The following DHX8 variants were observed in gnomAD, a reference collection of about 807,000 sequenced individuals.
DHX8 encodes the protein ATP-dependent RNA helicase DHX8.
DHX8 carries 67 observed loss-of-function variants against 140.7 expected under a neutral mutation model. The ratio of observed to expected loss-of-function variants is 0.48; its 90% CI spans 0.39 to 0.58. The LOEUF is 0.58. Ranked by LOEUF, DHX8 falls within the 20% of genes least tolerant of loss-of-function variation. DHX8 has a pLI of 0.00. For missense variants in DHX8, 887 were observed against 1,550.7 expected (o/e 0.57, Z 7.19); for synonymous variants, 533 against 553.2 (o/e 0.96, Z 0.51).
chr17:43,492,487 G>A (rs1208366356), intron 5 of DHX8, among the ~76,000 whole-genome samples, 194 bp from the exon 6 acceptor site: 1 of 152,206 alleles, frequency 6.6e-6, no homozygotes, highest in Non-Finnish European at 1.5e-5. Context: ...AGAAGTCAGG[G>A]TTGAAAGAGG....
rs146664887 is a variant in DHX8 at position 43,504,759 on chromosome 17, C to A, written c.1662C>A (p.Thr554=). ...GGNKASYGKK[T]QMSILEQRES... ...ACAAAGCCTCTTACGGAAAAAAGAC[C>A]CAGATGTCAATCCTTGAGCAGAGGG... The change falls in exon 12 of 23, where the codon ACC becomes ACA. Residue 554 remains threonine, a synonymous_variant. Coordinates refer to ENST00000262415, the MANE Select transcript of DHX8 (RefSeq NM_004941.3). 7.2e-5 allele frequency: 116 copies of A among 1,613,974 alleles called. No individual in the cohort carries two copies. Among genetic ancestry groups the A allele is most frequent in the Non-Finnish European group, 1.3e-5 (15 of 1,180,022 alleles).
At chr17:43,510,953 G>GT (rs1248467454) in intron 16 of DHX8, among the ~76,000 whole-genome samples, 1 of 152,134 alleles carries the variant, frequency 6.6e-6, no homozygotes, top group Non-Finnish European at 1.5e-5. Context: ...ATTGTAGTAT[G>GT]TATCAATACT....
intron 16 of DHX8, among the ~76,000 whole-genome samples, chr17:43,509,388 G>A (rs1482649898): frequency 1.3e-5 from 2 of 152,144 alleles, no homozygotes; most frequent in African/African-American, 4.8e-5. Flanking sequence ...TGAGACAACA[G>A]GAAAGGAGAC....
intron 2 of DHX8, chr17:43,536,281 A>G (rs1971239918): frequency 8.1e-6 from 6 of 740,954 alleles, no homozygotes; most frequent in Non-Finnish European, 1.4e-5. Context: ...CAAGGTTTTC[A>G]TTCCAGTTAT....
At chr17:43,486,533 T>C (rs1435290030) in intron 1 of DHX8, among the ~76,000 whole-genome samples, 3 of 152,208 alleles carry the variant, frequency 2.0e-5, no homozygotes, top group Admixed American at 1.3e-4. Flanking sequence ...TAATTTTTTA[T>C]AATGGATTCA....
intron 11 of DHX8, among the ~76,000 whole-genome samples, chr17:43,501,368 C>G (rs547745657): frequency 2.4e-4 from 37 of 152,210 alleles, no homozygotes; most frequent in African/African-American, 8.2e-4. Flanking sequence ...ATAGAGAGAG[C>G]AGTGGGCAGT....
At chr17:43,532,751 C>A (rs1454278809) in intron 2 of DHX8, 3 of 1,613,978 alleles carry the variant, frequency 1.9e-6, no homozygotes, top group Admixed American at 1.7e-5. Flanking sequence ...ATTGACCCCA[C>A]CCTGGTCCAC....
intron 8 of DHX8, 65 bp from the exon 9 acceptor site, chr17:43,496,116 C>T: frequency 7.3e-7 from 1 of 1,367,290 alleles, no homozygotes; most frequent in African/African-American, 1.5e-5. Flanking sequence ...AAAACAAAAC[C>T]AAAAAACAAA....
At chr17:43,510,088 G>T (rs1379576274) in intron 16 of DHX8, among the ~76,000 whole-genome samples, 1 of 151,778 alleles carries the variant, frequency 6.6e-6, no homozygotes, top group Non-Finnish European at 1.5e-5. Context: ...CGCTCTTGTT[G>T]CCGAGGCTGG....
At chr17:43,517,393 GT>G in intron 18 of DHX8, 71 bp downstream of exon 18, 1 of 1,512,932 alleles carries the variant, frequency 6.6e-7, no homozygotes, top group Non-Finnish European at 8.9e-7. Flanking sequence ...ATGAATTTCA[GT>G]TTTATGAACC....
At chr17:43,490,487 T>C (rs1968446544) in intron 3 of DHX8, 24 bp downstream of exon 3, 1 of 1,594,904 alleles carries the variant, frequency 6.3e-7, no homozygotes. Context: ...CCAGCTGAGC[T>C]TAGCTTCTAG....
rs11868909 is a variant in DHX8, at chr17:43,515,712, C to T, written c.2644-1455C>T. The stretch of plus-strand genomic sequence containing the variant: ...TGCTCTATACTACTTGTCAGGGTGG[C>T]GGTGATCAAAAAATTAGTTACACAT... On this transcript the variant is annotated intron_variant, in intron 17 of 22. Coordinates refer to ENST00000262415, the MANE Select transcript of DHX8 (RefSeq NM_004941.3). Among the ~76,000 whole-genome samples the T allele has an allele frequency of 9.6e-4, 146 of 152,128 alleles. 1 individual carries two copies. The highest frequency in any genetic ancestry group is 1.5e-3 in the Non-Finnish European group (103 of 67,990).
intron 2 of DHX8, chr17:43,533,412 C>T (rs1429918131): frequency 3.4e-6 from 5 of 1,492,160 alleles, no homozygotes; most frequent in Non-Finnish European, 4.6e-6. Context: ...TTGAACCCTT[C>T]ATTCCTAGGA....
chr17:43,521,914 GTACAC>G, intron 21 of DHX8, 128 bp from the exon 22 acceptor site: 1 of 918,256 alleles, frequency 1.1e-6, no homozygotes, highest in South Asian at 1.6e-5. Context: ...TGCCTCTGTA[GTACAC>G]TTAGGGCTGG....
chr17:43,525,059 G>A lies in DHX8; in HGVS notation c.*1212G>A, dbSNP rs1426943410. ...TCCTCCTGCCTCTGCCTCCCAAAGC[G>A]CTGGGATTACAGTTGAGAGCCACTG... On this transcript the variant is annotated 3_prime_UTR_variant, in exon 23 of 23. Transcript: ENST00000262415. 7.1e-6 allele frequency: 7 copies of A among 985,316 alleles called. No homozygotes were observed. Among genetic ancestry groups the A allele is most frequent in the South Asian group, 4.7e-5 (1 of 21,296 alleles). 61.0% of individuals were successfully genotyped at this position (985,316 alleles called of 1,614,324 possible). A position where few individuals can be genotyped will look rare whatever the true frequency, so the allele number is the denominator to read the frequency against.
chr17:43,530,714 G>C (rs538904775), downstream of DHX8, among the ~76,000 whole-genome samples: 158 of 152,146 alleles, frequency 1.0e-3, 1 homozygote, highest in African/African-American at 3.5e-3. Flanking sequence ...AGGTCTAACA[G>C]AGCACATTCC....
chr17:43,517,136 A>T (rs1275366680), intron 17 of DHX8, 31 bp from the exon 18 acceptor site: 1 of 1,598,754 alleles, frequency 6.3e-7, no homozygotes, highest in East Asian at 2.3e-5. Context: ...TGTTTAACAG[A>T]TATGTTGCTT....
intron 18 of DHX8, chr17:43,518,105 A>C (rs1171835870): frequency 6.6e-6 from 1 of 152,198 alleles, no homozygotes; most frequent in Non-Finnish European, 1.5e-5. Context: ...TTCTGCTCTG[A>C]AAAAGGGGCT....
Position 43,525,286 on chromosome 17 carries a change from C to T in DHX8, c.*1439C>T, listed in dbSNP as rs1970574765. ...TGAAGTGATGTAAATGCTAGAACTA[C>T]TGTAGAACTGTATGCCAGACACTAA... On this transcript the variant is annotated 3_prime_UTR_variant, in exon 23 of 23. Transcript: ENST00000262415. 3.0e-6 allele frequency: 3 copies of T among 985,280 alleles called. No individual in the cohort carries two copies. The highest frequency in any genetic ancestry group is 9.4e-5 in the South Asian group (2 of 21,286). The allele number at this position is 985,280 out of a possible 1,614,324, so 61.0% of individuals were successfully genotyped here.
Sources: gnomAD v4.1 joint callset for allele counts (sites outside exome capture counted in the v4.1 genomes callset) on GRCh38, gnomAD v4.1.1 for gene constraint, MANE v1.5 for transcripts, NCBI Gene and HGNC (gene_info 2026-07-23, HGNC 2026-07-21) for gene names.